TFPT: variants seen among roughly 807,000 people sequenced by gnomAD.
TFPT encodes the protein TCF3 fusion partner.
Under a neutral mutation model 28.8 loss-of-function variants are expected in TFPT, and 27 were observed. The observed-to-expected ratio is 0.94, with a 90% CI of 0.69 to 1.29. TFPT has a LOEUF of 1.29. TFPT is among the 50% of genes most tolerant of loss of function. The pLI, the probability that TFPT is intolerant of heterozygous loss-of-function variation, is 0.00. For missense variants in TFPT, 330 were observed against 338.0 expected (o/e 0.98, Z 0.19); for synonymous variants, 152 against 142.8 (o/e 1.06, Z -0.46).
In TFPT at chr19:54,108,404, G is replaced by A; in HGVS notation, c.354-9C>T. On this transcript the variant is annotated splice_polypyrimidine_tract_variant and intron_variant, in intron 3 of 5. Transcript: ENST00000391759. ...GCACTCTCATGAGGAACCTGCTCAG[G>A]GGGAGAAGCCACCAACGGAATAACT... The A allele has an allele frequency of 6.2e-7, 1 of 1,613,960 alleles. No homozygotes were observed. The highest frequency in any genetic ancestry group is 8.5e-7 in the Non-Finnish European group (1 of 1,179,920).
chr19:54,109,604 C>T (rs1385993364), intron 3 of TFPT, among the ~76,000 whole-genome samples: 2 of 152,170 alleles, frequency 1.3e-5, no homozygotes, highest in Admixed American at 6.5e-5. Context: ...GCTCAGCTCA[C>T]CACCTGCAAG....
rs2073596113 is a variant in TFPT at position 54,115,375 on chromosome 19, A to G, written c.-106T>C. ...GTCCCATCAGGCTCAGCAGCCGAGG[A>G]CGGCGGGACGTGGCCCTAGGCCTTG... On this transcript the variant is annotated 5_prime_UTR_variant, in exon 1 of 6. Transcript: ENST00000391759. 3 of 1,547,772 alleles carry G rather than the reference A, an allele frequency of 1.9e-6. No individual in the cohort carries two copies. The highest frequency in any genetic ancestry group is 1.1e-5 in the South Asian group (1 of 89,796).
intron 3 of TFPT, chr19:54,108,918 G>A (rs370290870): frequency 6.9e-5 from 18 of 259,808 alleles, no homozygotes; most frequent in East Asian, 6.8e-4. Context: ...GTTTTGCGAC[G>A]GAATCTCACT....
Position 54,115,541 on chromosome 19 carries a change from C to T in TFPT, c.-272G>A, listed in dbSNP as rs2073602652. The stretch of plus-strand genomic sequence containing the variant: ...GCCAACGTCTTTCTTCTTGTCTCGA[C>T]GCCCCGTCGTCCGGCCACAGCGATT... On this transcript the variant is annotated 5_prime_UTR_variant, in exon 1 of 6. Coordinates refer to ENST00000391759, the MANE Select transcript of TFPT (RefSeq NM_013342.4). The T allele has an allele frequency of 6.8e-6, 4 of 584,112 alleles. No homozygotes were observed. The highest frequency in any genetic ancestry group is 3.7e-5 in the African/African-American group (2 of 53,654). The allele number at this position is 584,112 out of a possible 1,614,324, so 36.2% of individuals were successfully genotyped here.
chr19:54,113,491 T>C (rs2073513914), intron 2 of TFPT, among the ~76,000 whole-genome samples: 1 of 152,112 alleles, frequency 6.6e-6, no homozygotes, highest in African/African-American at 2.4e-5. Context: ...GGGACCCTAT[T>C]TGTGATAAGT....
intron 1 of TFPT, 85 bp from the exon 2 acceptor site, chr19:54,114,785 C>T (rs2073571317): frequency 2.0e-6 from 3 of 1,510,228 alleles, no homozygotes; most frequent in African/African-American, 1.4e-5. Flanking sequence ...AGACCCCAAC[C>T]CCTCCTCCCT....
rs761840525 is a variant in TFPT, at chr19:54,110,054, C to A, written c.350G>T (p.Arg117Leu). ...GAGGGGACAGAGAAGGGGTTACCTC[C>A]GTTCCTGCTGCAGCCTCCGAGTTAT... Reference protein sequence around the residue: ...QRITRRLQQERRFLMRVLDSY... With the variant: ...QRITRRLQQELRFLMRVLDSY... Residue 117 changes from arginine (R) to leucine (L), a missense_variant, in exon 3 of 6, where the codon CGG becomes CTG. Coordinates refer to ENST00000391759, the MANE Select transcript of TFPT (RefSeq NM_013342.4). The A allele has an allele frequency of 2.5e-6, 4 of 1,613,994 alleles. No homozygotes were observed. The South Asian group carries it at 3.3e-5, about 13-fold the overall frequency.
Position 54,114,554 on chromosome 19 carries a change from A to G in TFPT, c.170T>C (p.Leu57Pro), listed in dbSNP as rs1185242712. ...FVSGGLGGSG[L>P]RERDEEEEAA... ...CTCTTCCTCTTCATCTCGCTCCCGG[A>G]GCCCTGAGCCGCCCAGACCACCTGA... Residue 57 changes from leucine (L) to proline (P), a missense_variant, in exon 2 of 6, where the codon CTC (leucine) becomes CCC (proline). Coordinates refer to ENST00000391759, the MANE Select transcript of TFPT (RefSeq NM_013342.4). 1 of 1,613,934 alleles carries G rather than the reference A, an allele frequency of 6.2e-7. No homozygotes were observed. The highest frequency in any genetic ancestry group is 1.3e-5 in the African/African-American group (1 of 74,898).
At chr19:54,111,869 A>T (rs1279472494) in intron 2 of TFPT, among the ~76,000 whole-genome samples, 95 of 129,760 alleles carry the variant, frequency 7.3e-4, no homozygotes, top group Middle Eastern at 6.4e-3. Context: ...AATCCCAGCT[A>T]CTCGGGAGGC....
chr19:54,115,256 T>G lies in TFPT; in HGVS notation c.14A>C (p.Gln5Pro). The change falls in exon 1 of 6, where the codon CAG becomes CCG. Residue 5 changes from glutamine (Q) to proline (P), a missense_variant. By Grantham distance (76) the Gln-to-Pro change is moderately conservative. Coordinates refer to ENST00000391759, the MANE Select transcript of TFPT (RefSeq NM_013342.4). MELE[Q>P]REGTMAAVGF... ...GGGCTCAGCCACATACCCTTCTCTC[T>G]GCTCCAATTCCATCTCCGCGACCTC... 1 of 1,614,148 alleles carries G rather than the reference T, an allele frequency of 6.2e-7. No individual in the cohort carries two copies. Among genetic ancestry groups the G allele is most frequent in the South Asian group, 1.1e-5 (1 of 91,090 alleles).
intron 5 of TFPT, 149 bp from the exon 6 acceptor site, chr19:54,107,318 A>C (rs917054940): frequency 3.2e-5 from 33 of 1,026,064 alleles, no homozygotes; most frequent in Admixed American, 1.0e-4. Flanking sequence ...GTGCCATCAT[A>C]GTTCACTGCA....
chr19:54,110,820 C>T (rs587639806), intron 2 of TFPT, among the ~76,000 whole-genome samples: 8 of 152,288 alleles, frequency 5.3e-5, no homozygotes, highest in Admixed American at 3.3e-4. Context: ...GCAGCCTCTC[C>T]GCCTCTTTGC....
chr19:54,111,532 T>C (rs1381880022), intron 2 of TFPT, among the ~76,000 whole-genome samples: 1 of 149,244 alleles, frequency 6.7e-6, no homozygotes, highest in Non-Finnish European at 1.5e-5. Context: ...ATACAAAAAT[T>C]AGCTGGGTAT....
chr19:54,108,555 T>C (rs1236350312), intron 3 of TFPT, 160 bp from the exon 4 acceptor site: 2 of 1,604,488 alleles, frequency 1.2e-6, no homozygotes, highest in East Asian at 4.5e-5. Flanking sequence ...AGCCATGCCC[T>C]TGACCAGCCT....
Position 54,115,406 on chromosome 19 carries a change from G to A in TFPT, c.-137C>T. 1 of 1,254,650 alleles carries A rather than the reference G, an allele frequency of 8.0e-7. No homozygotes were observed. Among genetic ancestry groups the A allele is most frequent in the Admixed American group, 2.0e-5 (1 of 51,020 alleles). 77.7% of individuals were successfully genotyped at this position (1,254,650 alleles called of 1,614,324 possible). A position where few individuals can be genotyped will look rare whatever the true frequency, so the allele number is the denominator to read the frequency against. ...GGACGTGGCCCTAGGCCTTGTGGGA[G>A]TTGTAGTTTCCTGTTTCCGGCTTCG... On this transcript the variant is annotated 5_prime_UTR_variant, in exon 1 of 6. Transcript: ENST00000391759.
At chr19:54,109,556 G>C (rs1022050651) in intron 3 of TFPT, among the ~76,000 whole-genome samples, 1 of 152,080 alleles carries the variant, frequency 6.6e-6, no homozygotes, top group Non-Finnish European at 1.5e-5. Context: ...GCAGCCACCT[G>C]GGCAGGTTCT....
chr19:54,114,822 C>T, intron 1 of TFPT, 122 bp from the exon 2 acceptor site: 4 of 1,375,548 alleles, frequency 2.9e-6, no homozygotes, highest in Non-Finnish European at 2.9e-6. Flanking sequence ...GGCCCCCAGC[C>T]CCTCCTCCCT....
chr19:54,108,774 GCTC>G, intron 3 of TFPT: 3 of 661,480 alleles, frequency 4.5e-6, no homozygotes, highest in East Asian at 5.7e-5. Context: ...AGTACAGAAC[GCTC>G]CTCCTAATGA....
chr19:54,109,096 C>T (rs11667012), intron 3 of TFPT: 15,986 of 158,540 alleles, frequency 0.1, 1,004 homozygotes, highest in Admixed American at 0.17. Flanking sequence ...GGAGTTTCAC[C>T]GTGTTAGCCA....
Sources: allele counts gnomAD v4.1 joint callset (sites outside exome capture counted in the v4.1 genomes callset), GRCh38; gene constraint gnomAD v4.1.1; transcripts MANE v1.5; gene names NCBI Gene and HGNC (gene_info 2026-07-23, HGNC 2026-07-21).